The following PPP2R3C variants were observed in gnomAD, a reference collection of about 807,000 sequenced individuals.
PPP2R3C encodes the protein protein phosphatase 2 regulatory subunit B''gamma.
PPP2R3C carries 47 observed loss-of-function variants against 63.7 expected under a neutral mutation model. The observed-to-expected ratio is 0.74, with a 90% confidence interval of 0.58 to 0.94. PPP2R3C has a LOEUF of 0.94. PPP2R3C is among the 40% of genes least tolerant of loss of function. PPP2R3C has a pLI of 0.00. For synonymous variants in PPP2R3C, 180 were observed against 177.4 expected (o/e 1.01, Z -0.12); for missense variants, 421 against 518.4 (o/e 0.81, Z 1.82).
chr14:35,111,067 T>C (rs2046542037), intron 2 of PPP2R3C, among the ~76,000 whole-genome samples: 1 of 151,874 alleles, frequency 6.6e-6, no homozygotes, highest in Non-Finnish European at 1.5e-5. Flanking sequence ...CAACCCCGTC[T>C]CTACTAAAAA....
chr14:35,116,298 C>T (rs1386246882), intron 2 of PPP2R3C, among the ~76,000 whole-genome samples: 2 of 152,180 alleles, frequency 1.3e-5, no homozygotes, highest in Non-Finnish European at 1.5e-5. Context: ...GTTACCCAGG[C>T]TGGAGTGCAG....
Position 35,091,085 on chromosome 14 carries a change from A to G in PPP2R3C, c.1098T>C (p.Leu366=), listed in dbSNP as rs768296585. Residue 366 remains leucine (L), a synonymous_variant, in exon 11 of 13, where the codon CTT becomes CTC. Coordinates refer to ENST00000261475, the MANE Select transcript of PPP2R3C (RefSeq NM_017917.4). ...ENKGYLNVFS[L]NYFFRAIQEL... is the part of the protein sequence containing the mutation. ...TGAGACTTACCCTAAAGAAATAATT[A>G]AGTGAAAAGACATTCAGGTATCCTT... is the stretch of plus-strand genomic sequence containing the variant. The G allele has an allele frequency of 2.5e-6, 4 of 1,603,222 alleles. 1 individual carries two copies. In the South Asian group the frequency reaches 3.3e-5, roughly 13 times the overall value.
intron 11 of PPP2R3C, among the ~76,000 whole-genome samples, chr14:35,090,595 CTCT>C (rs960120641): frequency 2.6e-5 from 4 of 151,770 alleles, no homozygotes; most frequent in African/African-American, 7.3e-5. Context: ...CTTTAATTTG[CTCT>C]TCTTTTTCTA....
chr14:35,108,350 G>C, intron 4 of PPP2R3C, 114 bp from the exon 5 acceptor site: 11 of 1,254,364 alleles, frequency 8.8e-6, no homozygotes, highest in Non-Finnish European at 1.2e-5. Context: ...AAGAACAATA[G>C]AGACTCCTTA....
intron 2 of PPP2R3C, among the ~76,000 whole-genome samples, chr14:35,114,094 A>C (rs1309946015): frequency 6.6e-6 from 1 of 152,232 alleles, no homozygotes; most frequent in East Asian, 1.9e-4. Context: ...TCGGCTATCA[A>C]AAATATTCAG....
At chr14:35,118,793 A>G (rs1415453996) in intron 1 of PPP2R3C, among the ~76,000 whole-genome samples, 1 of 151,676 alleles carries the variant, frequency 6.6e-6, no homozygotes, top group Non-Finnish European at 1.5e-5. Context: ...AGCTGGGATT[A>G]CAGACACTTG....
At chr14:35,120,739 G>C (rs1250935174) in intron 1 of PPP2R3C, among the ~76,000 whole-genome samples, 2 of 151,994 alleles carry the variant, frequency 1.3e-5, no homozygotes, top group African/African-American at 4.8e-5. Flanking sequence ...CTGAGGCCAG[G>C]AATTCGAGAC....
At chr14:35,103,138 A>G (rs967957958) in intron 6 of PPP2R3C, among the ~76,000 whole-genome samples, 3 of 152,214 alleles carry the variant, frequency 2.0e-5, no homozygotes, top group Non-Finnish European at 1.5e-5. Flanking sequence ...TGACAGACTC[A>G]GCTTAAAACT....
chr14:35,093,503 T>G (rs2045897612), intron 10 of PPP2R3C, among the ~76,000 whole-genome samples: 2 of 152,190 alleles, frequency 1.3e-5, no homozygotes, highest in Non-Finnish European at 2.9e-5. Flanking sequence ...GTAAATTTTC[T>G]GTGCCTTTTC....
intron 1 of PPP2R3C, among the ~76,000 whole-genome samples, chr14:35,120,657 AG>A (rs1402158649): frequency 2.6e-5 from 4 of 152,166 alleles, no homozygotes; most frequent in Non-Finnish European, 5.9e-5. Flanking sequence ...ATAGTGTAAA[AG>A]AGTGTTGCCT....
intron 7 of PPP2R3C, among the ~76,000 whole-genome samples, chr14:35,097,468 GTCTTGT>G (rs1421980089): frequency 2.0e-5 from 3 of 149,868 alleles, no homozygotes; most frequent in African/African-American, 4.9e-5. Flanking sequence ...AGTTTGTTTT[GTCTTGT>G]TCTTGTTCTT....
At chr14:35,117,168 T>C (rs1472731065) in intron 1 of PPP2R3C, 5 of 455,612 alleles carry the variant, frequency 1.1e-5, no homozygotes, top group Non-Finnish European at 2.2e-5. Flanking sequence ...ATAATCACTG[T>C]TTCTCTACCT....
intron 1 of PPP2R3C, among the ~76,000 whole-genome samples, chr14:35,118,653 C>CTTT (rs150866333): frequency 5.5e-4 from 69 of 125,818 alleles, no homozygotes; most frequent in South Asian, 3.3e-3. Flanking sequence ...AGGTACCTTC[C>CTTT]TTTTTTTTTT....
chr14:35,085,735 A>C lies in PPP2R3C; in HGVS notation c.1217T>G (p.Ile406Ser). ...DMVKPKDPLK[I>S]SLQDLINSNQ... ...ACTGTTGATTAAATCCTGAAGAGAGATTTTCAAAGGATCCTTTGGTTTTAC... is the reference window on the plus strand; with the variant it reads ...ACTGTTGATTAAATCCTGAAGAGAGCTTTTCAAAGGATCCTTTGGTTTTAC... Residue 406 changes from isoleucine to serine, a missense_variant, in exon 13 of 13, where the codon ATC (isoleucine) becomes AGC (serine). Ile to Ser is a moderately radical substitution (Grantham distance 142). This residue lies in a region of PPP2R3C where 231 missense variants were observed against 264.8 expected (regional missense o/e 0.87). Transcript: ENST00000261475. 6.2e-7 allele frequency: 1 copy of C among 1,610,654 alleles called. No individual in the cohort carries two copies.
chr14:35,087,947 T>C lies in PPP2R3C; in HGVS notation c.1173+4A>G. 6.3e-7 allele frequency: 1 copy of C among 1,586,572 alleles called. No homozygotes were observed. Among genetic ancestry groups the C allele is most frequent in the South Asian group, 1.1e-5 (1 of 90,380 alleles). On this transcript the variant is annotated splice_donor_region_variant and intron_variant, in intron 12 of 12. Coordinates refer to ENST00000261475, the MANE Select transcript of PPP2R3C (RefSeq NM_017917.4). ...GTAATACGTAAATTAAAGGAAAAGATAACCTTGACATCTTGAAATGAAACA... is the reference window on the plus strand; with the variant it reads ...GTAATACGTAAATTAAAGGAAAAGACAACCTTGACATCTTGAAATGAAACA...
At chr14:35,092,724 C>T (rs1163892528) in intron 10 of PPP2R3C, among the ~76,000 whole-genome samples, 1 of 152,122 alleles carries the variant, frequency 6.6e-6, no homozygotes, top group African/African-American at 2.4e-5. Flanking sequence ...ACCTCGGCCT[C>T]CCAAAATGCT....
At chr14:35,093,754 A>G (rs1020633476) in intron 10 of PPP2R3C, among the ~76,000 whole-genome samples, 3 of 151,556 alleles carry the variant, frequency 2.0e-5, no homozygotes, top group African/African-American at 7.3e-5. Context: ...TCACACCATT[A>G]CACCATTCTG....
chr14:35,106,636 G>C (rs1045790533), intron 6 of PPP2R3C, among the ~76,000 whole-genome samples: 2 of 146,310 alleles, frequency 1.4e-5, no homozygotes, highest in African/African-American at 2.5e-5. Context: ...GGGAATACAG[G>C]CGTGAGCCAC....
intron 6 of PPP2R3C, chr14:35,100,482 G>A (rs2046151459): frequency 6.6e-6 from 1 of 152,160 alleles, no homozygotes; most frequent in Admixed American, 6.5e-5. Flanking sequence ...AGGTGTCCCA[G>A]GAGCACCACA....
Sources: gnomAD v4.1 joint callset for allele counts (sites outside exome capture counted in the v4.1 genomes callset) on GRCh38, gnomAD v4.1.1 for gene constraint, gnomAD v4.1.1 regional missense constraint, MANE v1.5 for transcripts, NCBI Gene and HGNC (gene_info 2026-07-23, HGNC 2026-07-21) for gene names.